The following COL5A2 variants were observed in gnomAD, a reference collection of about 807,000 sequenced individuals.
The protein encoded by COL5A2 is collagen alpha-2(V) chain.
Under a neutral mutation model 208.2 loss-of-function variants are expected in COL5A2, and 23 were observed. The ratio of observed to expected loss-of-function variants is 0.11; its 90% CI spans 0.08 to 0.16. COL5A2 has a LOEUF of 0.16. COL5A2 is among the 10% of genes least tolerant of loss of function. COL5A2 has a pLI of 1.00. For synonymous variants in COL5A2, 625 were observed against 628.5 expected (o/e 0.99, Z 0.08); for missense variants, 1,590 against 1,956.4 (o/e 0.81, Z 3.53).
the COL5A2 span, among the ~76,000 whole-genome samples, chr2:189,238,693 T>C: frequency 6.6e-6 from 1 of 152,050 alleles, no homozygotes; most frequent in South Asian, 2.1e-4. Context: ...CTTCACCAGG[T>C]GGCAGGAAGG....
At chr2:189,286,842 C>T in the COL5A2 span, among the ~76,000 whole-genome samples, 3 of 151,950 alleles carry the variant, frequency 2.0e-5, no homozygotes, top group African/African-American at 7.3e-5. Context: ...GAAAAATATT[C>T]TAACATAGGA....
the COL5A2 span, among the ~76,000 whole-genome samples, chr2:189,246,388 A>G: frequency 6.6e-6 from 1 of 152,188 alleles, no homozygotes; most frequent in African/African-American, 2.4e-5. Context: ...GGGACATTAT[A>G]CTTCTGGAGA....
chr2:189,129,226 C>T (rs943552198), intron 1 of COL5A2, among the ~76,000 whole-genome samples: 1 of 151,864 alleles, frequency 6.6e-6, no homozygotes, highest in Admixed American at 6.6e-5. Flanking sequence ...AGATGGCTAG[C>T]GATACTAAAG....
At chr2:189,034,397 T>C (rs1013296747) in intron 53 of COL5A2, among the ~76,000 whole-genome samples, 181 bp from the exon 54 acceptor site, 4 of 152,238 alleles carry the variant, frequency 2.6e-5, no homozygotes, top group Admixed American at 6.5e-5. Flanking sequence ...ATTTCTTTCA[T>C]GCTTTAAGTA....
At chr2:189,267,908 T>C in the COL5A2 span, among the ~76,000 whole-genome samples, 1 of 152,162 alleles carries the variant, frequency 6.6e-6, no homozygotes, top group African/African-American at 2.4e-5. Flanking sequence ...GCCCAGTGCT[T>C]TTTTATCAAT....
the COL5A2 span, among the ~76,000 whole-genome samples, chr2:189,418,933 T>C: frequency 1.3e-5 from 2 of 152,156 alleles, no homozygotes; most frequent in African/African-American, 2.4e-5. Flanking sequence ...TTCTTGGCTA[T>C]ACAGATAAAG....
chr2:189,105,118 GGT>G (rs1369431640), intron 2 of COL5A2, among the ~76,000 whole-genome samples: 1 of 151,528 alleles, frequency 6.6e-6, no homozygotes, highest in Non-Finnish European at 1.5e-5. Flanking sequence ...TGTAATTTGG[GGT>G]TTTCCTAGGC....
rs184806671 is a variant in COL5A2 at position 189,043,445 on chromosome 2, G to A, written c.3364-187C>T. Among the ~76,000 whole-genome samples the A allele has an allele frequency of 3.7e-3, 565 of 152,010 alleles. 1 individual carries two copies. Among genetic ancestry groups the A allele is most frequent in the Non-Finnish European group, 5.1e-3 (346 of 67,978 alleles). ...GAAATTTCTGTTTATTTTTCCCAAA[G>A]AATGGTAGGTGATCACTGAAAAAAG... On this transcript the variant is annotated intron_variant, in intron 47 of 53. Coordinates refer to ENST00000374866, the MANE Select transcript of COL5A2 (RefSeq NM_000393.5).
chr2:189,079,313 T>C (rs543193077), intron 14 of COL5A2, among the ~76,000 whole-genome samples: 23 of 152,266 alleles, frequency 1.5e-4, no homozygotes, highest in African/African-American at 5.3e-4. Context: ...TAAAATAATA[T>C]TGGGGACTTA....
the COL5A2 span, among the ~76,000 whole-genome samples, chr2:189,277,365 T>A: frequency 6.6e-6 from 1 of 152,078 alleles, no homozygotes; most frequent in Non-Finnish European, 1.5e-5. Flanking sequence ...GTAAATCAAG[T>A]AAGCAAAAAC....
chr2:189,068,387 C>T (rs1686200502), intron 19 of COL5A2, 117 bp from the exon 20 acceptor site: 1 of 896,760 alleles, frequency 1.1e-6, no homozygotes, highest in Non-Finnish European at 1.9e-6. Context: ...TTTTAAAAAT[C>T]AACCACCATT....
chr2:189,379,638 T>C, the COL5A2 span, among the ~76,000 whole-genome samples: 1 of 152,198 alleles, frequency 6.6e-6, no homozygotes, highest in Non-Finnish European at 1.5e-5. Context: ...TCATTTACAA[T>C]AAATTAGTCA....
At chr2:189,035,475 TATAATAAAAATTAGAATTAACTAGTAG>T (rs1441944700) in intron 52 of COL5A2, among the ~76,000 whole-genome samples, 79 of 152,154 alleles carry the variant, frequency 5.2e-4, no homozygotes, top group African/African-American at 1.4e-3. Context: ...TATTGCTAAT[TATAATAAAAATTAGAATTAACTAGTAG>T]TATAAAATCT....
chr2:189,409,406 C>G, the COL5A2 span, among the ~76,000 whole-genome samples: 6 of 151,870 alleles, frequency 4.0e-5, no homozygotes, highest in East Asian at 3.9e-4. Context: ...AAAGCACATG[C>G]CCTAGTCAGT....
intron 1 of COL5A2, among the ~76,000 whole-genome samples, chr2:189,143,743 G>A (rs770299093): frequency 2.6e-5 from 4 of 152,088 alleles, no homozygotes; most frequent in Admixed American, 6.6e-5. Context: ...AAAGAGAGAC[G>A]TGTGGAGGTT....
At chr2:189,226,636 A>G (rs1194590948), upstream of COL5A2, among the ~76,000 whole-genome samples, 1 of 152,136 alleles carries the variant, frequency 6.6e-6, no homozygotes, top group Non-Finnish European at 1.5e-5. Flanking sequence ...TGATAACATC[A>G]GACATACTCT....
At chr2:189,140,460 G>A (rs983609380) in intron 1 of COL5A2, among the ~76,000 whole-genome samples, 7 of 152,042 alleles carry the variant, frequency 4.6e-5, no homozygotes, top group African/African-American at 1.7e-4. Context: ...ACAAAGATAT[G>A]TTTATAGACC....
At position 189,110,624 on chromosome 2, in the gene COL5A2, G is replaced by A. The variant is rs375447842; in HGVS notation, c.98-175C>T. On this transcript the variant is annotated intron_variant, in intron 1 of 53. Coordinates refer to ENST00000374866, the MANE Select transcript of COL5A2 (RefSeq NM_000393.5). ...AACAAAATAATATGTAATTCACCAT[G>A]AAATAATGATAATGTATCCTTGCAT... is the stretch of plus-strand genomic sequence containing the variant. Among the ~76,000 whole-genome samples the A allele has an allele frequency of 3.3e-5, 5 of 152,270 alleles. No homozygotes were observed. The East Asian group carries it at 5.8e-4, about 18-fold the overall frequency.
rs1435466573 is a variant in COL5A2, at chr2:189,044,011, G to T, written c.3364-753C>A. On this transcript the variant is annotated intron_variant, in intron 47 of 53. Transcript: ENST00000374866. ...TTTGTTATTGTTGGTGGTGGTGTTG[G>T]TTTTGTTTTGTTTTAAGTCCTGGGA... Among the ~76,000 whole-genome samples the T allele has an allele frequency of 4.6e-5, 7 of 152,156 alleles. No individual in the cohort carries two copies. The South Asian group carries it at 1.2e-3, about 27-fold the overall frequency.
Sources: allele counts gnomAD v4.1 joint callset (sites outside exome capture counted in the v4.1 genomes callset), GRCh38; gene constraint gnomAD v4.1.1; transcripts MANE v1.5; gene names NCBI Gene and HGNC (gene_info 2026-07-23, HGNC 2026-07-21).